Variants in FARP1 observed in about 807,000 individuals in gnomAD.
The protein encoded by FARP1 is FERM, ARHGEF and pleckstrin domain-containing protein 1.
FARP1 carries 52 observed loss-of-function variants against 128.8 expected under a neutral mutation model. The observed-to-expected ratio is 0.40, with a 90% CI of 0.32 to 0.51. The LOEUF (loss-of-function observed/expected upper bound fraction) is 0.51. Ranked by LOEUF, FARP1 falls within the 20% of genes least tolerant of loss-of-function variation. FARP1 has a pLI of 0.45. For synonymous variants in FARP1, 580 were observed against 551.8 expected, an observed-to-expected ratio of 1.05 and a Z score of -0.72; for missense variants, 1,333 against 1,367.9, an observed-to-expected ratio of 0.97 and a Z score of 0.40.
At chr13:98,380,071 T>TTA (rs1184431535) in intron 6 of FARP1, among the ~76,000 whole-genome samples, 1 of 152,208 alleles carries the variant, frequency 6.6e-6, no homozygotes, top group Non-Finnish European at 1.5e-5. Flanking sequence ...GAGAAATTGA[T>TTA]CTTACTCAAA....
At chr13:98,186,625 A>G (rs78056040) in intron 1 of FARP1, among the ~76,000 whole-genome samples, 14,485 of 152,162 alleles carry the variant, frequency 0.095, 1,292 homozygotes, top group African/African-American at 0.24. Flanking sequence ...GCTGCGTAAT[A>G]ATCCATTGTA....
At chr13:98,386,674 T>A (rs1890109790) in intron 8 of FARP1, among the ~76,000 whole-genome samples, 1 of 152,190 alleles carries the variant, frequency 6.6e-6, no homozygotes. Context: ...TTCAAAGGGA[T>A]ATAGAGAAAG....
intron 16 of FARP1, among the ~76,000 whole-genome samples, chr13:98,412,702 A>G (rs1891236485): frequency 6.6e-6 from 1 of 152,216 alleles, no homozygotes; most frequent in African/African-American, 2.4e-5. Flanking sequence ...AGGGAGGTAC[A>G]AAAAACCAGG....
intron 2 of FARP1, among the ~76,000 whole-genome samples, chr13:98,291,082 C>T (rs948724883): frequency 3.3e-5 from 5 of 152,118 alleles, no homozygotes; most frequent in Non-Finnish European, 2.9e-5. Context: ...CAGAAATCCA[C>T]GTATACCTTT....
At chr13:98,225,129 A>C (rs895831477) in intron 2 of FARP1, among the ~76,000 whole-genome samples, 30 of 152,054 alleles carry the variant, frequency 2.0e-4, no homozygotes, top group Non-Finnish European at 4.0e-4. Flanking sequence ...AGCTGAAAAA[A>C]CCTCAGATGT....
chr13:98,343,947 T>G, intron 3 of FARP1, 81 bp downstream of exon 3: 1 of 890,042 alleles, frequency 1.1e-6, no homozygotes, highest in East Asian at 2.5e-5. Flanking sequence ...GTCTAAATGA[T>G]TGTGAGTGAG....
intron 2 of FARP1, among the ~76,000 whole-genome samples, chr13:98,256,963 A>AT (rs1305535960): frequency 8.4e-6 from 1 of 119,574 alleles, no homozygotes; most frequent in African/African-American, 3.8e-5. Context: ...ATATATATAT[A>AT]TATATATATA....
chr13:98,214,708 A>G lies in FARP1; in HGVS notation c.171+1295A>G, dbSNP rs144669256. On this transcript the variant is annotated intron_variant, in intron 2 of 26. Coordinates refer to ENST00000319562, the MANE Select transcript of FARP1 (RefSeq NM_005766.4). The stretch of plus-strand genomic sequence containing the variant: ...ACCAATTTATTGCGCACTGCAAACA[A>G]CCTTTGTGTTTTCTGATTTTCTTGT... Among the ~76,000 whole-genome samples the G allele has an allele frequency of 3.1e-3, 470 of 152,272 alleles. 5 individuals carry two copies. The highest frequency in any genetic ancestry group is 0.011 in the African/African-American group (455 of 41,564).
chr13:98,393,865 G>C, intron 12 of FARP1, 147 bp downstream of exon 12: 1 of 667,238 alleles, frequency 1.5e-6, no homozygotes, highest in African/African-American at 1.8e-5. Context: ...CCTTGGCTTT[G>C]ACCAGATATA....
chr13:98,298,459 C>T (rs1885794127), intron 2 of FARP1, among the ~76,000 whole-genome samples: 2 of 152,112 alleles, frequency 1.3e-5, no homozygotes, highest in African/African-American at 4.8e-5. Context: ...GGGACTGCAC[C>T]CCATGCTTCT....
At chr13:98,209,838 C>CA (rs1353968899) in intron 1 of FARP1, among the ~76,000 whole-genome samples, 1 of 105,596 alleles carries the variant, frequency 9.5e-6, no homozygotes, top group Non-Finnish European at 1.9e-5. Context: ...AAGAAAAAGC[C>CA]GGGGGTGGTG....
chr13:98,390,078 C>T lies in FARP1; in HGVS notation c.977C>T (p.Pro326Leu), dbSNP rs752956846. 1.4e-5 allele frequency: 23 copies of T among 1,614,024 alleles called. No homozygotes were observed. Among genetic ancestry groups the T allele is most frequent in the Non-Finnish European group, 1.9e-5 (22 of 1,180,044 alleles). ...CTTTTTGAAGAGCCCAAACCAAAGC[C>T]CAAGCCCGTCCTCTTTAGCCGGGGG... ...FRLFEEPKPK[P>L]KPVLFSRGSS... The change falls in exon 10 of 27, where the codon CCC becomes CTC. Residue 326 changes from proline to leucine, a missense_variant. By Grantham distance (98) the Pro-to-Leu change is moderately conservative (BLOSUM62 -3). Coordinates refer to ENST00000319562, the MANE Select transcript of FARP1 (RefSeq NM_005766.4).
intron 1 of FARP1, among the ~76,000 whole-genome samples, chr13:98,198,529 C>T (rs1879724164): frequency 6.6e-6 from 1 of 152,066 alleles, no homozygotes; most frequent in African/African-American, 2.4e-5. Context: ...CCCAGGAGTT[C>T]GAGATGAGCC....
At chr13:98,157,424 C>G (rs1240443057) in intron 1 of FARP1, among the ~76,000 whole-genome samples, 3 of 152,094 alleles carry the variant, frequency 2.0e-5, no homozygotes, top group African/African-American at 7.2e-5. Flanking sequence ...CCACCAAGTC[C>G]TTCTCTGCTC....
chr13:98,156,979 C>G (rs1157322327), intron 1 of FARP1, among the ~76,000 whole-genome samples: 1 of 152,116 alleles, frequency 6.6e-6, no homozygotes, highest in Non-Finnish European at 1.5e-5. Flanking sequence ...TAAGAAATAC[C>G]TAATCTGAGG....
intron 18 of FARP1, 50 bp downstream of exon 18, chr13:98,431,330 CGG>C (rs1566314610): frequency 7.4e-7 from 1 of 1,343,538 alleles, no homozygotes; most frequent in Non-Finnish European, 1.0e-6. Context: ...CAGTTCAGGC[CGG>C]GTGCTCCCAG....
At chr13:98,191,775 C>T (rs1879245014) in intron 1 of FARP1, among the ~76,000 whole-genome samples, 1 of 151,980 alleles carries the variant, frequency 6.6e-6, no homozygotes, top group Non-Finnish European at 1.5e-5. Context: ...AAACCCCGTC[C>T]CTACTAAAAA....
At chr13:98,399,496 A>G (rs557395317) in intron 13 of FARP1, 1 of 152,400 alleles carries the variant, frequency 6.6e-6, no homozygotes, top group East Asian at 1.9e-4. Flanking sequence ...ATGAAGTTGA[A>G]CTAAGAGTGG....
intron 2 of FARP1, among the ~76,000 whole-genome samples, chr13:98,237,603 C>G (rs545650130): frequency 1.3e-4 from 20 of 152,258 alleles, no homozygotes; most frequent in Admixed American, 4.6e-4. Flanking sequence ...ACTCGTGGTT[C>G]TTGCGTATTT....
Sources: allele counts gnomAD v4.1 joint callset (sites outside exome capture counted in the v4.1 genomes callset), GRCh38; gene constraint gnomAD v4.1.1; transcripts MANE v1.5; gene names NCBI Gene and HGNC (gene_info 2026-07-23, HGNC 2026-07-21).